GPRC5A: variants seen among roughly 807,000 people sequenced by gnomAD.
The protein encoded by GPRC5A is retinoic acid-induced protein 3.
Under a neutral mutation model 22.5 loss-of-function variants are expected in GPRC5A, and 19 were observed. The ratio of observed to expected loss-of-function variants is 0.85; its 90% CI spans 0.59 to 1.24. GPRC5A has a LOEUF of 1.24. GPRC5A is among the 50% of genes most tolerant of loss of function. The pLI is 0.00. For synonymous variants in GPRC5A, 192 were observed against 184.5 expected (o/e 1.04, Z -0.33); for missense variants, 471 against 451.1 (o/e 1.04, Z -0.40).
At chr12:12,904,374 T>C (rs1383442963) in intron 1 of GPRC5A, among the ~76,000 whole-genome samples, 2 of 152,192 alleles carry the variant, frequency 1.3e-5, no homozygotes, top group African/African-American at 4.8e-5. Context: ...GTATAGCCCA[T>C]TCTTTGTGCT....
At chr12:12,903,435 C>T (rs1197024918) in intron 1 of GPRC5A, among the ~76,000 whole-genome samples, 1 of 152,102 alleles carries the variant, frequency 6.6e-6, no homozygotes, top group Non-Finnish European at 1.5e-5. Flanking sequence ...TGTGCCCCTC[C>T]GCACCTGGCT....
At chr12:12,899,297 T>C (rs1394150482) in intron 1 of GPRC5A, among the ~76,000 whole-genome samples, 1 of 152,138 alleles carries the variant, frequency 6.6e-6, no homozygotes, top group Non-Finnish European at 1.5e-5. Flanking sequence ...TCTCGGCCTC[T>C]CAAAGTACTG....
intron 2 of GPRC5A, among the ~76,000 whole-genome samples, chr12:12,910,872 CTT>C (rs570784800): frequency 1.3e-4 from 18 of 139,392 alleles, no homozygotes; most frequent in African/African-American, 1.6e-4. Flanking sequence ...CCATCTCTCT[CTT>C]TTTTTTTTTT....
chr12:12,911,071 C>T (rs931871717), intron 2 of GPRC5A, among the ~76,000 whole-genome samples: 50 of 152,064 alleles, frequency 3.3e-4, no homozygotes, highest in African/African-American at 1.2e-3. Flanking sequence ...CGGGGTTTCA[C>T]CATCTTGGCC....
chr12:12,902,056 C>A (rs1303121368), intron 1 of GPRC5A, among the ~76,000 whole-genome samples: 1 of 152,198 alleles, frequency 6.6e-6, no homozygotes, highest in African/African-American at 2.4e-5. Flanking sequence ...TTCTAGAAAT[C>A]ATTTTCAGTT....
intron 2 of GPRC5A, among the ~76,000 whole-genome samples, chr12:12,911,570 G>A (rs1435009739): frequency 5.3e-5 from 8 of 151,344 alleles, no homozygotes; most frequent in African/African-American, 1.9e-4. Context: ...CTCACTGCAA[G>A]CTCCACCTCC....
At position 12,912,455 on chromosome 12, in the gene GPRC5A, T is replaced by G. The variant is rs770749119; in HGVS notation, c.990T>G (p.Pro330=). 6 of 1,608,676 alleles carry G rather than the reference T, an allele frequency of 3.7e-6. No individual in the cohort carries two copies. The African/African-American group carries it at 8.0e-5, about 22-fold the overall frequency. The stretch of plus-strand genomic sequence containing the variant: ...GACTGTTTCCTTTTCAGAACCAGCC[T>G]CCCCAAAAGGAATTCTCCATCCCAC... ...YSTHFQLQNQ[P]PQKEFSIPRA... is the part of the protein sequence containing the mutation. The change falls in exon 4 of 4, where the codon CCT becomes CCG. Residue 330 remains proline, a synonymous_variant. Coordinates refer to ENST00000014914, the MANE Select transcript of GPRC5A (RefSeq NM_003979.4).
rs994306544 is a variant in GPRC5A at position 12,914,631 on chromosome 12, T to C, written c.*2092T>C. ...CTCTCTCTCTCTTTCTTTCTTTCTT[T>C]TTGAGATAGAGTCTCACTCTGTCAT... On this transcript the variant is annotated 3_prime_UTR_variant, in exon 4 of 4. Coordinates refer to ENST00000014914, the MANE Select transcript of GPRC5A (RefSeq NM_003979.4). 6.6e-6 allele frequency: 1 copy of C among 150,586 alleles called. No homozygotes were observed. The highest frequency in any genetic ancestry group is 1.5e-5 in the Non-Finnish European group (1 of 67,856). 9.3% of individuals were successfully genotyped at this position (150,586 alleles called of 1,614,324 possible). A position where few individuals can be genotyped will look rare whatever the true frequency, so the allele number is the denominator to read the frequency against.
At position 12,914,245 on chromosome 12, in the gene GPRC5A, C is replaced by A. The variant is rs1475873657; in HGVS notation, c.*1706C>A. ...GCTTTTCATCAAAAGGAAAAACCAGCGTGAGGCAGAGGCGAGGGAGGTGGA... is the reference window on the plus strand; with the variant it reads ...GCTTTTCATCAAAAGGAAAAACCAGAGTGAGGCAGAGGCGAGGGAGGTGGA... On this transcript the variant is annotated 3_prime_UTR_variant, in exon 4 of 4. Transcript: ENST00000014914. The A allele has an allele frequency of 6.5e-6, 1 of 153,054 alleles. No homozygotes were observed. The highest frequency in any genetic ancestry group is 2.4e-5 in the African/African-American group (1 of 41,444). 9.5% of individuals were successfully genotyped at this position (153,054 alleles called of 1,614,324 possible).
chr12:12,908,360 C>T lies in GPRC5A; in HGVS notation c.111C>T (p.Ala37=), dbSNP rs2075288. The change falls in exon 2 of 4, where the codon GCC becomes GCT. Residue 37 remains alanine, a synonymous_variant. Coordinates refer to ENST00000014914, the MANE Select transcript of GPRC5A (RefSeq NM_003979.4). ...WGIVLETVAT[A]GVVTSVAFML... is the part of the protein sequence containing the mutation. Reference sequence around the variant, plus strand: ...TCGTCCTAGAAACGGTGGCCACAGCCGGGGTTGTGACCTCGGTGGCCTTCA... The same window carrying T: ...TCGTCCTAGAAACGGTGGCCACAGCTGGGGTTGTGACCTCGGTGGCCTTCA... The T allele has an allele frequency of 0.3, 488,149 of 1,613,322 alleles. 84,058 individuals carry two copies. Among genetic ancestry groups the T allele is most frequent in the East Asian group, 0.76 (34,007 of 44,854 alleles).
intron 1 of GPRC5A, among the ~76,000 whole-genome samples, chr12:12,900,266 G>A (rs1863867392): frequency 6.6e-6 from 1 of 152,174 alleles, no homozygotes; most frequent in Non-Finnish European, 1.5e-5. Flanking sequence ...GACAGGAGAT[G>A]GGGCAAGAAT....
In GPRC5A at chr12:12,915,590, T is replaced by G; in HGVS notation, c.*3051T>G. ...CTTTCCCCGGAAATGGCATCATCTC[T>G]GGACTGTTGTTTCTCCTTCTTCCTT... On this transcript the variant is annotated 3_prime_UTR_variant, in exon 4 of 4. Transcript: ENST00000014914. The G allele has an allele frequency of 1.1e-5, 2 of 187,884 alleles. No homozygotes were observed. Among genetic ancestry groups the G allele is most frequent in the Non-Finnish European group, 1.1e-5 (1 of 87,110 alleles). 11.6% of individuals were successfully genotyped at this position (187,884 alleles called of 1,614,324 possible).
intron 1 of GPRC5A, among the ~76,000 whole-genome samples, chr12:12,907,166 G>A (rs1592350698): frequency 6.6e-6 from 1 of 151,830 alleles, no homozygotes; most frequent in South Asian, 2.1e-4. Flanking sequence ...GGGAATGCTC[G>A]GCCTTCTGTA....
At chr12:12,900,891 C>CAA (rs756416857) in intron 1 of GPRC5A, among the ~76,000 whole-genome samples, 1,201 of 21,118 alleles carry the variant, frequency 0.057, 45 homozygotes, top group Non-Finnish European at 0.077. Flanking sequence ...AACTCCGTCT[C>CAA]AAAAAAAAAA....
chr12:12,912,638 C>T lies in GPRC5A; in HGVS notation c.*99C>T. On this transcript the variant is annotated 3_prime_UTR_variant, in exon 4 of 4. Coordinates refer to ENST00000014914, the MANE Select transcript of GPRC5A (RefSeq NM_003979.4). ...TCTTGAGTCTTCTGAGAAAACTGTA[C>T]AAGACACTACGGGAACAGTTTGCCT... The T allele has an allele frequency of 2.7e-6, 2 of 739,942 alleles. No individual in the cohort carries two copies. The highest frequency in any genetic ancestry group is 1.5e-5 in the South Asian group (1 of 66,556). The allele number at this position is 739,942 out of a possible 1,614,324, so 45.8% of individuals were successfully genotyped here. A position where few individuals can be genotyped will look rare whatever the true frequency, so the allele number is the denominator to read the frequency against.
In GPRC5A at chr12:12,912,849, T is replaced by A. The variant is rs578142497; in HGVS notation, c.*310T>A. The A allele has an allele frequency of 2.7e-5, 8 of 292,246 alleles. No homozygotes were observed. The highest frequency in any genetic ancestry group is 1.9e-4 in the Admixed American group (4 of 21,204). 18.1% of individuals were successfully genotyped at this position (292,246 alleles called of 1,614,324 possible). A position where few individuals can be genotyped will look rare whatever the true frequency, so the allele number is the denominator to read the frequency against. ...TTTTTGTTTGTTTTTTGAAACAGGA[T>A]CTTGCTCTGTCACCCAGGCTTGAGT... On this transcript the variant is annotated 3_prime_UTR_variant, in exon 4 of 4. Transcript: ENST00000014914.
chr12:12,909,110 A>G lies in GPRC5A; in HGVS notation c.861A>G (p.Gln287=). 1 of 1,601,076 alleles carries G rather than the reference A, an allele frequency of 6.2e-7. No homozygotes were observed. The highest frequency in any genetic ancestry group is 1.1e-5 in the South Asian group (1 of 91,052). ...TTGAGGATGCTTTCTGTAAACCTCA[A>G]CTCGTGAAGAAGAGCTATGGTGTGG... ...YPVEDAFCKP[Q]LVKKSYGVEN... is the part of the protein sequence containing the mutation. The change falls in exon 2 of 4, where the codon CAA becomes CAG. Residue 287 remains glutamine (Q), a synonymous_variant. Transcript: ENST00000014914.
Position 12,908,620 on chromosome 12 carries a change from G to C in GPRC5A, c.371G>C (p.Arg124Pro). Residue 124 changes from arginine to proline, a missense_variant, in exon 2 of 4, where the codon CGG (arginine) becomes CCG (proline). Coordinates refer to ENST00000014914, the MANE Select transcript of GPRC5A (RefSeq NM_003979.4). Reference protein sequence around the residue: ...AHAVSLTKLVRGRKPLSLLVI... With the variant: ...AHAVSLTKLVPGRKPLSLLVI... ...GCTGTCAGTCTGACCAAGCTCGTCC[G>C]GGGGAGGAAGCCCCTTTCCCTGTTG... 1.2e-6 allele frequency: 2 copies of C among 1,613,934 alleles called. No individual in the cohort carries two copies. The highest frequency in any genetic ancestry group is 1.7e-6 in the Non-Finnish European group (2 of 1,179,932).
rs1228561379 is a variant in GPRC5A at position 12,908,674 on chromosome 12, G to C, written c.425G>C (p.Ser142Thr). The C allele has an allele frequency of 6.2e-7, 1 of 1,614,030 alleles. No homozygotes were observed. The highest frequency in any genetic ancestry group is 1.3e-5 in the African/African-American group (1 of 75,066). The change falls in exon 2 of 4, where the codon AGC (serine) becomes ACC (threonine). Residue 142 changes from serine to threonine, a missense_variant. Transcript: ENST00000014914. ...LVILGLAVGF[S>T]LVQDVIAIEY... ...ATTCTGGGTCTGGCCGTGGGCTTCA[G>C]CCTAGTCCAGGATGTTATCGCTATT...
Sources: gnomAD v4.1 joint callset for allele counts (sites outside exome capture counted in the v4.1 genomes callset) on GRCh38, gnomAD v4.1.1 for gene constraint, MANE v1.5 for transcripts, NCBI Gene and HGNC (gene_info 2026-07-23, HGNC 2026-07-21) for gene names.